The following ARK2C variants were observed in gnomAD, a reference collection of about 807,000 sequenced individuals.
ARK2C encodes E3 ubiquitin-protein ligase ARK2C.
At chr18:46,435,285 G>A in the ARK2C span, 1 of 1,613,894 alleles carries the variant, frequency 6.2e-7, no homozygotes, top group Non-Finnish European at 8.5e-7. Flanking sequence ...CCCTTCTGGT[G>A]CAGGCGGAGT....
chr18:46,370,575 G>A, the ARK2C span, among the ~76,000 whole-genome samples: 67 of 152,236 alleles, frequency 4.4e-4, no homozygotes, highest in African/African-American at 1.6e-3. Context: ...CTGGTCCCAG[G>A]TGGCAGTCAT....
chr18:46,391,918 A>G, the ARK2C span, among the ~76,000 whole-genome samples: 1 of 151,630 alleles, frequency 6.6e-6, no homozygotes. Context: ...ACACACACTT[A>G]TACACGTACA....
the ARK2C span, chr18:46,456,752 C>A: frequency 1.0e-5 from 8 of 767,328 alleles, no homozygotes; most frequent in Non-Finnish European, 1.6e-5. Flanking sequence ...AGCCTGCAAG[C>A]ACATTTTGTG....
chr18:46,366,286 C>G, the ARK2C span, among the ~76,000 whole-genome samples: 1 of 109,842 alleles, frequency 9.1e-6, no homozygotes, highest in Non-Finnish European at 1.7e-5. Flanking sequence ...GAGCAGAACT[C>G]TGGCTCAAAA....
At chr18:46,337,220 A>G in the ARK2C span, 1 of 985,254 alleles carries the variant, frequency 1.0e-6, no homozygotes, top group African/African-American at 1.7e-5. Context: ...AAAGAAAGAG[A>G]AAAAAGAAAA....
chr18:46,456,254 T>A, the ARK2C span, among the ~76,000 whole-genome samples: 1 of 152,156 alleles, frequency 6.6e-6, no homozygotes, highest in Admixed American at 6.5e-5. Flanking sequence ...ATGTTCTAGA[T>A]GTGTGATGCC....
chr18:46,399,577 G>GAGGCAATGATGGGAGGGTGGGC, the ARK2C span, among the ~76,000 whole-genome samples: 1 of 152,178 alleles, frequency 6.6e-6, no homozygotes, highest in African/African-American at 2.4e-5. Flanking sequence ...GGAAAACGGT[G>GAGGCAATGATGGGAGGGTGGGC]AGGCAATGAT....
At chr18:46,424,823 G>A in the ARK2C span, among the ~76,000 whole-genome samples, 447 of 152,348 alleles carry the variant, frequency 2.9e-3, 4 homozygotes, top group Admixed American at 4.0e-3. Flanking sequence ...ACCTTACACC[G>A]GGTGACTCTG....
At chr18:46,377,996 G>A in the ARK2C span, among the ~76,000 whole-genome samples, 1 of 152,032 alleles carries the variant, frequency 6.6e-6, no homozygotes, top group Admixed American at 6.5e-5. Flanking sequence ...AGAGAGGAGG[G>A]GTGGGTTTAA....
the ARK2C span, among the ~76,000 whole-genome samples, chr18:46,352,084 C>A: frequency 6.6e-6 from 1 of 152,178 alleles, no homozygotes; most frequent in Non-Finnish European, 1.5e-5. Flanking sequence ...CCTCTACCTC[C>A]CAGGCCTTGA....
the ARK2C span, among the ~76,000 whole-genome samples, chr18:46,418,715 A>G: frequency 6.6e-6 from 1 of 152,248 alleles, no homozygotes; most frequent in African/African-American, 2.4e-5. Flanking sequence ...CAAATTCTGA[A>G]TCAAATACAA....
the ARK2C span, among the ~76,000 whole-genome samples, chr18:46,355,435 T>C: frequency 2.6e-5 from 4 of 152,290 alleles, no homozygotes; most frequent in Admixed American, 2.0e-4. Flanking sequence ...CTCTAGGCTC[T>C]GGTGAGGATC....
chr18:46,387,198 G>T, the ARK2C span: 1 of 152,212 alleles, frequency 6.6e-6, no homozygotes, highest in Admixed American at 6.5e-5. Flanking sequence ...TTCATGGCTT[G>T]TTCTCAAACT....
the ARK2C span, chr18:46,334,816 A>G: frequency 1.8e-5 from 3 of 169,412 alleles, no homozygotes; most frequent in African/African-American, 6.0e-5. This position sits in a 1 kb window ranked among gnomAD's most constrained non-coding sequence, Gnocchi z 4.4. Flanking sequence ...TTTTGTATTC[A>G]TTTTTTGTTC....
chr18:46,453,938 T>G, the ARK2C span, among the ~76,000 whole-genome samples: 50 of 150,316 alleles, frequency 3.3e-4, 1 homozygote, highest in South Asian at 5.1e-3. Context: ...CATAGAGAGA[T>G]TCTGTCTCTA....
At chr18:46,367,553 C>T in the ARK2C span, among the ~76,000 whole-genome samples, 29 of 152,280 alleles carry the variant, frequency 1.9e-4, no homozygotes, top group African/African-American at 7.0e-4. Context: ...CTATTGGACC[C>T]ATTGCCTTGT....
At chr18:46,445,178 G>C in the ARK2C span, among the ~76,000 whole-genome samples, 1 of 152,114 alleles carries the variant, frequency 6.6e-6, no homozygotes, top group Non-Finnish European at 1.5e-5. Flanking sequence ...TATTCATTTA[G>C]AGAGTGTTAG....
chr18:46,402,620 A>G, the ARK2C span, among the ~76,000 whole-genome samples: 17,470 of 151,938 alleles, frequency 0.11, 1,176 homozygotes, highest in East Asian at 0.28. Context: ...CCCATCAGCA[A>G]CCTCCCAAGT....
the ARK2C span, among the ~76,000 whole-genome samples, chr18:46,366,609 T>C: frequency 6.0e-4 from 91 of 152,292 alleles, no homozygotes; most frequent in African/African-American, 2.0e-3. Flanking sequence ...AGCCCAGTGG[T>C]CCTTAAAGAT....
Sources: allele counts gnomAD v4.1 joint callset (sites outside exome capture counted in the v4.1 genomes callset), GRCh38; gene constraint gnomAD v4.1.1; non-coding constraint Gnocchi (gnomAD v3.1); transcripts MANE v1.5; gene names NCBI Gene and HGNC (gene_info 2026-07-23, HGNC 2026-07-21).